Variants in NEGR1 observed in about 807,000 individuals in gnomAD.
NEGR1 encodes the protein neuronal growth regulator 1.
Under a neutral mutation model 40.9 loss-of-function variants are expected in NEGR1, and 10 were observed. The ratio of observed to expected loss-of-function variants is 0.24; its 90% CI spans 0.15 to 0.42. The LOEUF (loss-of-function observed/expected upper bound fraction) is 0.42. Among genes scored for constraint, NEGR1 ranks in the 10% least tolerant of loss-of-function variants. The pLI is 1.00. For missense variants in NEGR1, 352 were observed against 438.9 expected, an observed-to-expected ratio of 0.80 and a Z score of 1.77; for synonymous variants, 185 against 166.8, an observed-to-expected ratio of 1.11 and a Z score of -0.84.
intron 6 of NEGR1, among the ~76,000 whole-genome samples, chr1:71,509,086 G>A (rs1006623779): frequency 6.6e-6 from 1 of 152,178 alleles, no homozygotes; most frequent in Non-Finnish European, 1.5e-5. Flanking sequence ...TTGAGACAGG[G>A]TAAGGGGATG....
At chr1:72,061,101 C>A (rs1392291593) in intron 1 of NEGR1, among the ~76,000 whole-genome samples, 1 of 151,576 alleles carries the variant, frequency 6.6e-6, no homozygotes, top group African/African-American at 2.4e-5. Context: ...ACTTCCTCAT[C>A]CTCAGTGAAA....
chr1:71,538,389 T>C (rs1225324913), intron 6 of NEGR1, among the ~76,000 whole-genome samples: 1 of 151,740 alleles, frequency 6.6e-6, no homozygotes, highest in Non-Finnish European at 1.5e-5. Flanking sequence ...AGTAGAGGTG[T>C]GTGTGAGTTA....
intron 3 of NEGR1, among the ~76,000 whole-genome samples, chr1:71,757,314 C>G (rs768217550): frequency 7.2e-5 from 11 of 151,988 alleles, no homozygotes; most frequent in Non-Finnish European, 1.5e-4. Context: ...AAAACTTTAA[C>G]AGGCCAAAAT....
intron 1 of NEGR1, among the ~76,000 whole-genome samples, chr1:72,096,042 T>A (rs1335001866): frequency 6.6e-6 from 1 of 152,128 alleles, no homozygotes; most frequent in Non-Finnish European, 1.5e-5. Flanking sequence ...GCTAAGACTT[T>A]ACGAGGCCTC....
At chr1:71,964,383 C>T (rs555993247) in intron 1 of NEGR1, among the ~76,000 whole-genome samples, 1 of 152,122 alleles carries the variant, frequency 6.6e-6, no homozygotes, top group Non-Finnish European at 1.5e-5. Flanking sequence ...TCACTCTCCC[C>T]ATTACTCCTC....
At chr1:72,124,890 T>G (rs1262919244) in intron 1 of NEGR1, among the ~76,000 whole-genome samples, 4 of 152,130 alleles carry the variant, frequency 2.6e-5, no homozygotes, top group Non-Finnish European at 5.9e-5. Context: ...TAAAAGACTA[T>G]AATTTCTCAT....
At chr1:72,121,354 G>A (rs556261612) in intron 1 of NEGR1, among the ~76,000 whole-genome samples, 1 of 152,036 alleles carries the variant, frequency 6.6e-6, no homozygotes, top group East Asian at 1.9e-4. Context: ...TTTGCCATGG[G>A]ATATTCGAAC....
chr1:72,082,449 C>G (rs1014389560), intron 1 of NEGR1, among the ~76,000 whole-genome samples: 7 of 152,054 alleles, frequency 4.6e-5, no homozygotes, highest in African/African-American at 1.2e-4. Flanking sequence ...TATAAGAATC[C>G]ACATTCCACA....
rs552107464 is a variant in NEGR1 at position 72,041,446 on chromosome 1, T to G, written c.177-106135A>C. Among the ~76,000 whole-genome samples the G allele has an allele frequency of 2.0e-4, 17 of 86,880 alleles. No individual in the cohort carries two copies. In the South Asian group the frequency reaches 5.6e-3, roughly 28 times the overall value. The allele number at this position is 86,880 out of a possible 152,430, so 57.0% of individuals were successfully genotyped here. On this transcript the variant is annotated intron_variant, in intron 1 of 6. Transcript: ENST00000357731. ...CTTCTGTAGGCTTTTTTTTTTTTTT[T>G]GTCTCCTAAAGTTGCACGTTCCATT...
At chr1:71,539,362 C>A (rs1342143629) in intron 6 of NEGR1, among the ~76,000 whole-genome samples, 1 of 151,700 alleles carries the variant, frequency 6.6e-6, no homozygotes, top group Non-Finnish European at 1.5e-5. Flanking sequence ...TATTAATCTA[C>A]TAAACAGATT....
intron 1 of NEGR1, among the ~76,000 whole-genome samples, chr1:72,021,515 C>T (rs1053386088): frequency 6.6e-6 from 1 of 151,364 alleles, no homozygotes; most frequent in Admixed American, 6.6e-5. Flanking sequence ...GTTAATAAAT[C>T]GGAGATAAGT....
chr1:71,958,852 G>A (rs1820420), intron 1 of NEGR1, among the ~76,000 whole-genome samples: 3,824 of 151,960 alleles, frequency 0.025, 111 homozygotes, highest in African/African-American at 0.068. Flanking sequence ...CTACTTGGGA[G>A]GCTGAGGCAG....
chr1:71,858,105 C>T (rs894609795), intron 2 of NEGR1, among the ~76,000 whole-genome samples: 6 of 152,004 alleles, frequency 3.9e-5, no homozygotes, highest in African/African-American at 1.2e-4. Context: ...TCTATTGAAG[C>T]GGTTATCATC....
At chr1:71,910,694 T>C (rs1661400695) in intron 2 of NEGR1, among the ~76,000 whole-genome samples, 3 of 147,376 alleles carry the variant, frequency 2.0e-5, no homozygotes, top group Admixed American at 1.3e-4. Flanking sequence ...AGCCTTAGGT[T>C]TTTGTTTTTG....
intron 3 of NEGR1, among the ~76,000 whole-genome samples, chr1:71,763,745 G>T (rs1289929407): frequency 2.2e-5 from 1 of 45,958 alleles, no homozygotes; most frequent in Non-Finnish European, 7.1e-5. Flanking sequence ...GCATATTTAG[G>T]AGTGTGTGTG....
chr1:71,684,040 G>A (rs1448394810), intron 4 of NEGR1, among the ~76,000 whole-genome samples: 2 of 152,136 alleles, frequency 1.3e-5, no homozygotes, highest in African/African-American at 2.4e-5. Context: ...GGATGCCCAG[G>A]CGGGCAGATC....
At chr1:71,745,266 T>C (rs1177191734) in intron 3 of NEGR1, among the ~76,000 whole-genome samples, 1 of 152,182 alleles carries the variant, frequency 6.6e-6, no homozygotes, top group Non-Finnish European at 1.5e-5. Context: ...GCTGTGAGAT[T>C]TCCACTGTCT....
intron 1 of NEGR1, among the ~76,000 whole-genome samples, chr1:72,086,194 C>T (rs946329720): frequency 6.7e-4 from 102 of 152,060 alleles, no homozygotes; most frequent in African/African-American, 2.5e-3. Flanking sequence ...ACTAGTTACA[C>T]GTTAGTGACA....
chr1:71,852,650 C>G (rs1328652644), intron 2 of NEGR1, among the ~76,000 whole-genome samples: 1 of 151,802 alleles, frequency 6.6e-6, no homozygotes, highest in Non-Finnish European at 1.5e-5. Flanking sequence ...ACGGTTTGCA[C>G]AGATATTTTC....
Sources: allele counts gnomAD v4.1 joint callset (sites outside exome capture counted in the v4.1 genomes callset), GRCh38; gene constraint gnomAD v4.1.1; transcripts MANE v1.5; gene names NCBI Gene and HGNC (gene_info 2026-07-23, HGNC 2026-07-21).